The following TASOR2 variants were observed in gnomAD, a reference collection of about 807,000 sequenced individuals.
The protein encoded by TASOR2 is transcription activation suppressor family member 2, also known as protein TASOR 2.
A neutral mutation model predicts 199.5 loss-of-function variants in TASOR2; 84 were observed. The ratio of observed to expected loss-of-function variants is 0.42; its 90% confidence interval spans 0.35 to 0.50. The LOEUF (loss-of-function observed/expected upper bound fraction) is 0.50. Among genes scored for constraint, TASOR2 ranks in the 20% least tolerant of loss-of-function variants. The probability of loss-of-function intolerance (pLI) is 0.02; values close to 1 mark genes in which losing one functional copy is unlikely to be tolerated. For synonymous variants in TASOR2, 1,103 were observed against 1,046.6 expected (o/e 1.05, Z -1.04); for missense variants, 2,796 against 2,835.9 (o/e 0.99, Z 0.32).
At chr10:5,705,999 G>A (rs1838541674) in intron 1 of TASOR2, among the ~76,000 whole-genome samples, 1 of 152,022 alleles carries the variant, frequency 6.6e-6, no homozygotes, top group Admixed American at 6.5e-5. Flanking sequence ...TAGCCAAATA[G>A]TTATAGTTTT....
chr10:5,692,241 AGCT>A (rs1236263649), intron 1 of TASOR2, among the ~76,000 whole-genome samples: 1 of 152,008 alleles, frequency 6.6e-6, no homozygotes, highest in Non-Finnish European at 1.5e-5. Context: ...AAATTTAAAA[AGCT>A]GCATCAAACT....
rs1210177120 is a variant in TASOR2 at position 5,757,138 on chromosome 10, A to G, written c.6733-382A>G. Reference sequence around the variant, plus strand: ...CCAACTACGGACAAAGGCTGGGTGCATAAACCTGCCGTCATCAGCAGGCAG... The same window carrying G: ...CCAACTACGGACAAAGGCTGGGTGCGTAAACCTGCCGTCATCAGCAGGCAG... On this transcript the variant is annotated intron_variant, in intron 16 of 20. Coordinates refer to ENST00000328090, the Ensembl canonical transcript of TASOR2. Among the ~76,000 whole-genome samples the G allele has an allele frequency of 5.3e-5, 8 of 150,322 alleles. No homozygotes were observed. In the East Asian group the frequency reaches 1.6e-3, roughly 30 times the overall value.
intron 16 of TASOR2, 104 bp downstream of exon 17, chr10:5,756,842 A>G: frequency 7.9e-7 from 1 of 1,260,830 alleles, no homozygotes; most frequent in Non-Finnish European, 1.1e-6. Context: ...AAGCTAACAG[A>G]CATTACTGTT....
exon 11 of TASOR2, chr10:5,731,014 T>C: frequency 6.2e-7 from 1 of 1,614,142 alleles, no homozygotes; most frequent in South Asian, 1.1e-5. Flanking sequence ...AGTTTTTCCA[T>C]TGAGTCCAGC....
chr10:5,740,035 C>G lies in TASOR2; in HGVS notation c.1865C>G (p.Pro622Arg), dbSNP rs1477230314. 1.2e-6 allele frequency: 2 copies of G among 1,613,932 alleles called. No individual in the cohort carries two copies. Among genetic ancestry groups the G allele is most frequent in the Non-Finnish European group, 1.7e-6 (2 of 1,180,036 alleles). Reference sequence around the variant, plus strand: ...AGCCAAGATGAAGAAAGCTTGGTTCCTTGTAGTCAGGCCCCTGCTAAAGCC... The same window carrying G: ...AGCCAAGATGAAGAAAGCTTGGTTCGTTGTAGTCAGGCCCCTGCTAAAGCC... Residue 622 changes from proline (P) to arginine (R), a missense_variant, in exon 13 of 21, where the codon CCT (proline) becomes CGT (arginine). Around this residue, in one of 3 missense-constraint regions of TASOR2, gnomAD observed 847 missense variants for 887.4 expected, o/e 0.95. Coordinates refer to ENST00000328090, the Ensembl canonical transcript of TASOR2. The surrounding 1 kb of genome is among the most constrained non-coding windows in gnomAD (Gnocchi z 5.3).
intron 1 of TASOR2, chr10:5,709,479 G>A (rs886888732): frequency 2.7e-6 from 3 of 1,121,672 alleles, no homozygotes; most frequent in Non-Finnish European, 3.4e-6. Context: ...TAGTAAATAT[G>A]CTATAAATAG....
At chr10:5,735,752 A>G (rs886479980) in intron 12 of TASOR2, among the ~76,000 whole-genome samples, 3 of 152,210 alleles carry the variant, frequency 2.0e-5, no homozygotes, top group African/African-American at 7.2e-5. Flanking sequence ...ACCTTCAAAA[A>G]CATAGAGCCT....
At chr10:5,729,248 CTG>C (rs1317849246) in intron 10 of TASOR2, among the ~76,000 whole-genome samples, 1 of 152,150 alleles carries the variant, frequency 6.6e-6, no homozygotes, top group Non-Finnish European at 1.5e-5. Context: ...ACTCGGGAGA[CTG>C]AGACACAGAA....
intron 18 of TASOR2, 121 bp from the exon 20 acceptor site, chr10:5,761,169 A>G: frequency 3.8e-6 from 3 of 798,750 alleles, no homozygotes; most frequent in African/African-American, 3.5e-5. Flanking sequence ...TGTGTCATGA[A>G]AAAGAACGTC....
intron 18 of TASOR2, among the ~76,000 whole-genome samples, chr10:5,759,525 A>G (rs1389812820): frequency 1.3e-5 from 2 of 152,258 alleles, no homozygotes; most frequent in Non-Finnish European, 2.9e-5. Flanking sequence ...AGCAGGACCA[A>G]TTGGAAAAGC....
In TASOR2 at chr10:5,720,424, C is replaced by T; in HGVS notation, c.-99-120C>T. The T allele has an allele frequency of 1.4e-6, 2 of 1,408,308 alleles. No homozygotes were observed. The highest frequency in any genetic ancestry group is 3.4e-5 in the South Asian group (2 of 58,908). The allele number at this position is 1,408,308 out of a possible 1,614,324, so 87.2% of individuals were successfully genotyped here. ...TATAGTTACCTGTGAATGAGTAACA[C>T]CCAAGATATATTTCTGACTCTAATG... On this transcript the variant is annotated intron_variant, in intron 3 of 20. Coordinates refer to ENST00000328090, the Ensembl canonical transcript of TASOR2. This position sits in a 1 kb window ranked among gnomAD's most constrained non-coding sequence, Gnocchi z 5.3.
At chr10:5,756,491 G>A in intron 15 of TASOR2, 122 bp from the exon 17 acceptor site, 1 of 904,682 alleles carries the variant, frequency 1.1e-6, no homozygotes, top group Non-Finnish European at 1.6e-6. Flanking sequence ...TTAGTAATAA[G>A]ACAAATTGTC....
chr10:5,702,092 G>A (rs1306819793), intron 1 of TASOR2, among the ~76,000 whole-genome samples: 1 of 152,112 alleles, frequency 6.6e-6, no homozygotes, highest in Non-Finnish European at 1.5e-5. Flanking sequence ...TTTGCTATTG[G>A]TTTGTCATAT....
At chr10:5,762,890 G>GTTAAC (rs1202712825) in intron 20 of TASOR2, 139 bp from the exon 22 acceptor site, 1 of 750,888 alleles carries the variant, frequency 1.3e-6, no homozygotes, top group African/African-American at 1.8e-5. Flanking sequence ...TTCACTTGCT[G>GTTAAC]TTAACTTGGA....
Position 5,737,314 on chromosome 10 carries a change from C to T in TASOR2, c.1447+1768C>T, listed in dbSNP as rs1452445956. ...TGTTTTTTTTTTCAACTTAAGCATA[C>T]CCTGAGATTCTTTAAGTTTTTTCAG... is the stretch of plus-strand genomic sequence containing the variant. On this transcript the variant is annotated intron_variant, in intron 12 of 20. Coordinates refer to ENST00000328090, the Ensembl canonical transcript of TASOR2. The surrounding 1 kb of genome is among the most constrained non-coding windows in gnomAD (Gnocchi z 4.9). Among the ~76,000 whole-genome samples the T allele has an allele frequency of 6.6e-6, 1 of 151,438 alleles. No individual in the cohort carries two copies. Among genetic ancestry groups the T allele is most frequent in the Non-Finnish European group, 1.5e-5 (1 of 67,856 alleles).
chr10:5,736,374 C>T (rs990268790), intron 12 of TASOR2, among the ~76,000 whole-genome samples: 1 of 151,762 alleles, frequency 6.6e-6, no homozygotes. Context: ...GCCGAGATCG[C>T]GCCACTGCAC....
chr10:5,729,254 C>T (rs1016235021), intron 10 of TASOR2, among the ~76,000 whole-genome samples: 2 of 152,154 alleles, frequency 1.3e-5, no homozygotes, highest in African/African-American at 4.8e-5. Flanking sequence ...GAGACTGAGA[C>T]ACAGAATTGC....
chr10:5,757,210 G>C (rs1383315562), intron 16 of TASOR2, among the ~76,000 whole-genome samples: 3 of 152,254 alleles, frequency 2.0e-5, no homozygotes, highest in African/African-American at 7.2e-5. Context: ...TGACGGCGAA[G>C]TGAGGTGACC....
At chr10:5,745,976 A>G (rs1490662817) in intron 14 of TASOR2, among the ~76,000 whole-genome samples, 1 of 152,030 alleles carries the variant, frequency 6.6e-6, no homozygotes, top group Non-Finnish European at 1.5e-5. Flanking sequence ...AACAAATCCC[A>G]CTGGGGGGTA....
Sources: gnomAD v4.1 joint callset for allele counts (sites outside exome capture counted in the v4.1 genomes callset) on GRCh38, gnomAD v4.1.1 for gene constraint, gnomAD v4.1.1 regional missense constraint, Gnocchi (gnomAD v3.1) non-coding constraint, MANE v1.5 for transcripts, NCBI Gene and HGNC (gene_info 2026-07-23, HGNC 2026-07-21) for gene names.